The following PHLPP1 variants were observed in gnomAD, a reference collection of about 807,000 sequenced individuals.
PHLPP1 encodes the protein PH domain leucine-rich repeat-containing protein phosphatase 1.
Under a neutral mutation model 117.2 loss-of-function variants are expected in PHLPP1, and 42 were observed. The observed-to-expected ratio is 0.36, with a 90% CI of 0.28 to 0.46. The LOEUF (loss-of-function observed/expected upper bound fraction) is 0.46. Among genes scored for constraint, PHLPP1 ranks in the 20% least tolerant of loss-of-function variants. The pLI is 1.00. For synonymous variants in PHLPP1, 1,042 were observed against 970.7 expected, an observed-to-expected ratio of 1.07 and a Z score of -1.37; for missense variants, 2,084 against 2,241.9, an observed-to-expected ratio of 0.93 and a Z score of 1.42.
In PHLPP1 at chr18:62,720,955, CTCG is replaced by C. The variant is rs774071856; in HGVS notation, c.1576+3701_1576+3703del. On this transcript the variant is annotated intron_variant, in intron 1 of 16. Coordinates refer to ENST00000262719, the MANE Select transcript of PHLPP1 (RefSeq NM_194449.4). ...GAAACTGATGCACAGAGAGATCTGA[CTCG>C]TCGTATTTCCGTCCTCGGGAGGGCG... Among the ~76,000 whole-genome samples the C allele has an allele frequency of 6.6e-5, 10 of 152,294 alleles. No individual in the cohort carries two copies. In the East Asian group the frequency reaches 1.5e-3, roughly 23 times the overall value.
At chr18:62,794,371 C>CT (rs34983071) in intron 1 of PHLPP1, among the ~76,000 whole-genome samples, 565 of 142,128 alleles carry the variant, frequency 4.0e-3, no homozygotes, top group African/African-American at 0.011. Context: ...TTAATTATTA[C>CT]TTTTTTTTTT....
intron 12 of PHLPP1, among the ~76,000 whole-genome samples, chr18:62,952,323 C>T (rs1910486648): frequency 6.6e-6 from 1 of 152,172 alleles, no homozygotes; most frequent in Non-Finnish European, 1.5e-5. Flanking sequence ...GATACATTTT[C>T]TTAAAGTCAA....
At chr18:62,796,028 T>A (rs778312672) in intron 1 of PHLPP1, among the ~76,000 whole-genome samples, 1 of 152,208 alleles carries the variant, frequency 6.6e-6, no homozygotes, top group Non-Finnish European at 1.5e-5. Context: ...CTTTGAAAGG[T>A]TATGGAGCTT....
At chr18:62,868,863 A>G (rs1915830622) in intron 4 of PHLPP1, among the ~76,000 whole-genome samples, 1 of 152,186 alleles carries the variant, frequency 6.6e-6, no homozygotes. Context: ...TTCTGGAATT[A>G]TCTTTTTAGA....
At chr18:62,952,814 G>A (rs1336815446) in intron 12 of PHLPP1, among the ~76,000 whole-genome samples, 1 of 152,074 alleles carries the variant, frequency 6.6e-6, no homozygotes, top group Non-Finnish European at 1.5e-5. Context: ...TGCGGAGATG[G>A]TCTTGCTATA....
At chr18:62,951,913 C>A (rs1017466865) in intron 12 of PHLPP1, among the ~76,000 whole-genome samples, 1 of 149,540 alleles carries the variant, frequency 6.7e-6, no homozygotes, top group Admixed American at 6.7e-5. Flanking sequence ...CTCCCGGGTT[C>A]ACGCCATTCT....
chr18:62,742,883 C>T (rs1911571949), intron 1 of PHLPP1, among the ~76,000 whole-genome samples: 1 of 152,176 alleles, frequency 6.6e-6, no homozygotes, highest in Non-Finnish European at 1.5e-5. Flanking sequence ...TCCCGTAACT[C>T]ACCCCCAATG....
chr18:62,914,136 C>T (rs889758977), intron 8 of PHLPP1, among the ~76,000 whole-genome samples: 3 of 152,160 alleles, frequency 2.0e-5, no homozygotes, highest in African/African-American at 7.2e-5. Flanking sequence ...TGTCAGTGAA[C>T]TTTTCACTGC....
At chr18:62,771,405 A>G (rs1405969141) in intron 1 of PHLPP1, among the ~76,000 whole-genome samples, 1 of 152,184 alleles carries the variant, frequency 6.6e-6, no homozygotes, top group Non-Finnish European at 1.5e-5. Context: ...ATACAGTGAA[A>G]AAATAATGTG....
At chr18:62,739,423 C>G (rs1911458884) in intron 1 of PHLPP1, among the ~76,000 whole-genome samples, 1 of 152,036 alleles carries the variant, frequency 6.6e-6, no homozygotes, top group African/African-American at 2.4e-5. Flanking sequence ...GCCGTCTGGT[C>G]TTGATATTGC....
chr18:62,929,688 G>C (rs910060762), intron 10 of PHLPP1, among the ~76,000 whole-genome samples: 3 of 152,308 alleles, frequency 2.0e-5, no homozygotes, highest in South Asian at 4.1e-4. Context: ...TGGCTCATGC[G>C]TGTTGTCCTA....
At chr18:62,831,304 T>C (rs143995133) in intron 2 of PHLPP1, among the ~76,000 whole-genome samples, 31 of 152,052 alleles carry the variant, frequency 2.0e-4, no homozygotes, top group African/African-American at 6.3e-4. Context: ...AAATGGGTCA[T>C]TGGGGGCACA....
At chr18:62,769,257 T>A (rs1022857338) in intron 1 of PHLPP1, among the ~76,000 whole-genome samples, 3 of 152,208 alleles carry the variant, frequency 2.0e-5, no homozygotes, top group Non-Finnish European at 4.4e-5. Flanking sequence ...CTAAGCCTTT[T>A]AGTATTGTGG....
In PHLPP1 at chr18:62,979,592, A is replaced by T. The variant is rs1219091548; in HGVS notation, c.*161A>T. The T allele has an allele frequency of 1.7e-5, 13 of 762,812 alleles. No individual in the cohort carries two copies. The highest frequency in any genetic ancestry group is 1.2e-4 in the Admixed American group (4 of 33,304). 47.3% of individuals were successfully genotyped at this position (762,812 alleles called of 1,614,324 possible). A position where few individuals can be genotyped will look rare whatever the true frequency, so the allele number is the denominator to read the frequency against. ...TCTGTAGGTTCTCTTTCTTTGGGTT[A>T]TTTTTTTAAGTAATCACCACTTTCT... On this transcript the variant is annotated 3_prime_UTR_variant, in exon 17 of 17. Transcript: ENST00000262719.
At chr18:62,930,496 C>T (rs1469450196) in intron 10 of PHLPP1, among the ~76,000 whole-genome samples, 2 of 152,050 alleles carry the variant, frequency 1.3e-5, no homozygotes, top group African/African-American at 4.8e-5. Context: ...ATAAAGGGTT[C>T]GATTCAACCA....
At chr18:62,761,030 TTTTTTTGTA>T (rs1912208114) in intron 1 of PHLPP1, among the ~76,000 whole-genome samples, 1 of 151,590 alleles carries the variant, frequency 6.6e-6, no homozygotes, top group South Asian at 2.1e-4. Context: ...GTCCAGCTAG[TTTTTTTGTA>T]TTTTTTGTAG....
chr18:62,816,430 G>A (rs1164158847), intron 1 of PHLPP1, among the ~76,000 whole-genome samples: 3 of 152,126 alleles, frequency 2.0e-5, no homozygotes, highest in Admixed American at 6.6e-5. Flanking sequence ...AGCTGGGCAT[G>A]GTGGCACGTG....
chr18:62,765,248 A>G (rs1912429219), intron 1 of PHLPP1, among the ~76,000 whole-genome samples: 1 of 152,130 alleles, frequency 6.6e-6, no homozygotes, highest in South Asian at 2.1e-4. Context: ...GTTCGATGCT[A>G]CGATCCCATT....
intron 3 of PHLPP1, among the ~76,000 whole-genome samples, chr18:62,852,907 G>C (rs937205015): frequency 2.0e-5 from 3 of 152,208 alleles, no homozygotes; most frequent in African/African-American, 4.8e-5. Context: ...CCTCTTGCAA[G>C]GGAAGATGAG....
Sources: allele counts gnomAD v4.1 joint callset (sites outside exome capture counted in the v4.1 genomes callset), GRCh38; gene constraint gnomAD v4.1.1; transcripts MANE v1.5; gene names NCBI Gene and HGNC (gene_info 2026-07-23, HGNC 2026-07-21).